PTPRQ: variants seen among roughly 807,000 people sequenced by gnomAD.
PTPRQ encodes the protein phosphatidylinositol phosphatase PTPRQ.
PTPRQ carries 199 observed loss-of-function variants against 246.0 expected under a neutral mutation model. The observed-to-expected ratio is 0.81, with a 90% confidence interval of 0.72 to 0.91. The LOEUF is 0.91. PTPRQ is among the 40% of genes least tolerant of loss of function. The probability of loss-of-function intolerance (pLI) is 0.00; values close to 1 mark genes in which losing one functional copy is unlikely to be tolerated. For synonymous variants in PTPRQ, 869 were observed against 853.2 expected (o/e 1.02, Z -0.32); for missense variants, 2,624 against 2,528.4 (o/e 1.04, Z -0.81).
rs150339828 is a variant in PTPRQ at position 80,545,451 on chromosome 12, G to C, written c.3874-1105G>C. ...GATCAACATGGTTTATATTTTGTCA[G>C]ATATAATGTAAGATTCCTACATTTA... On this transcript the variant is annotated intron_variant, in intron 23 of 44. Coordinates refer to ENST00000644991, the MANE Select transcript of PTPRQ (RefSeq NM_001145026.2). Among the ~76,000 whole-genome samples, 24 of 152,086 alleles carry C rather than the reference G, an allele frequency of 1.6e-4. No homozygotes were observed. In the East Asian group the frequency reaches 4.6e-3, roughly 29 times the overall value.
chr12:80,477,942 G>A (rs571841139), intron 8 of PTPRQ, among the ~76,000 whole-genome samples: 6 of 152,336 alleles, frequency 3.9e-5, no homozygotes, highest in South Asian at 2.1e-4. Context: ...AGGCGGCAGC[G>A]AAGCTGGGTG....
chr12:80,568,836 C>G (rs1359624302), intron 25 of PTPRQ, among the ~76,000 whole-genome samples: 1 of 152,182 alleles, frequency 6.6e-6, no homozygotes, highest in South Asian at 2.1e-4. Flanking sequence ...TAATGTGCAT[C>G]TGTTATTTAT....
intron 25 of PTPRQ, among the ~76,000 whole-genome samples, chr12:80,558,116 TTTC>T (rs146671791): frequency 0.098 from 8,233 of 83,748 alleles, 578 homozygotes; most frequent in African/African-American, 0.26. Context: ...CTTTCTTTTC[TTTC>T]TTTCTTTTCT....
intron 26 of PTPRQ, among the ~76,000 whole-genome samples, chr12:80,599,907 T>G (rs1320772101): frequency 6.6e-6 from 1 of 151,440 alleles, no homozygotes; most frequent in Non-Finnish European, 1.5e-5. Context: ...TTTTTCAGTT[T>G]GGATTTAGGA....
chr12:80,464,011 C>T (rs540941473), intron 6 of PTPRQ, among the ~76,000 whole-genome samples: 53 of 151,812 alleles, frequency 3.5e-4, no homozygotes, highest in Non-Finnish European at 7.2e-4. Context: ...CAAATTCACA[C>T]ATAACAATAT....
At chr12:80,533,968 T>C in intron 17 of PTPRQ, 47 bp from the exon 18 acceptor site, 1 of 1,360,432 alleles carries the variant, frequency 7.4e-7, no homozygotes. Context: ...AAAAGTATTG[T>C]TAACTTTTAA....
At position 80,542,767 on chromosome 12, in the gene PTPRQ, CT is replaced by C; in HGVS notation, c.3760del (p.Cys1254ValfsTer8). On this transcript the variant is annotated frameshift_variant, in exon 23 of 45. Transcript: ENST00000644991. LOFTEE classifies it high-confidence loss of function. ...CTCCACAAAATTTGACTTTAATCAA[CT>C]GTACTTCAGACTTTGTATGGCTGAA... Reference protein sequence around the residue: ...APPQNLTLINCTSDFVWLKWS... With the variant: ...APPQNLTLINXTSDFVWLKWS... 6.5e-7 allele frequency: 1 copy of C among 1,548,958 alleles called. No individual in the cohort carries two copies. Among genetic ancestry groups the C allele is most frequent in the Non-Finnish European group, 8.7e-7 (1 of 1,145,932 alleles).
chr12:80,568,065 G>T (rs1014720896), intron 25 of PTPRQ, among the ~76,000 whole-genome samples: 58 of 152,124 alleles, frequency 3.8e-4, no homozygotes, highest in African/African-American at 1.2e-3. Context: ...AGTAGTATAG[G>T]ACTAAAAAAT....
intron 41 of PTPRQ, 96 bp downstream of exon 41, chr12:80,669,560 G>T (rs1018826692): frequency 2.1e-6 from 3 of 1,432,558 alleles, no homozygotes; most frequent in Non-Finnish European, 2.7e-6. Flanking sequence ...TCCCTTTCAA[G>T]GATACCTGTA....
At chr12:80,550,065 C>T (rs534453501) in intron 25 of PTPRQ, among the ~76,000 whole-genome samples, 64 of 152,194 alleles carry the variant, frequency 4.2e-4, no homozygotes, top group African/African-American at 1.4e-3. Context: ...ATGTATATCT[C>T]TTTTTAGTCT....
intron 29 of PTPRQ, among the ~76,000 whole-genome samples, chr12:80,615,702 A>G (rs1250576336): frequency 6.6e-6 from 1 of 151,110 alleles, no homozygotes; most frequent in Non-Finnish European, 1.5e-5. Context: ...CTGAAGGAAT[A>G]GGATTTCATC....
intron 3 of PTPRQ, among the ~76,000 whole-genome samples, chr12:80,456,370 T>G (rs1344270953): frequency 6.6e-6 from 1 of 152,214 alleles, no homozygotes; most frequent in Admixed American, 6.5e-5. Context: ...TTGTGATGAC[T>G]ATTTCATGAA....
rs1181622390 is a variant in PTPRQ, at chr12:80,468,827, A to G, written c.1028A>G (p.Tyr343Cys). The G allele has an allele frequency of 3.9e-6, 6 of 1,548,482 alleles. No individual in the cohort carries two copies. In the South Asian group the frequency reaches 6.0e-5, roughly 16 times the overall value. ...AAATTTAGTTATAGAGTTGAATTAT[A>G]TGGACCATCAGGTAAGCCTTAATTG... Reference protein sequence around the residue: ...TGKFSYRVELYGPSGRILDNS... With the variant: ...TGKFSYRVELCGPSGRILDNS... Residue 343 changes from tyrosine (Y) to cysteine (C), a missense_variant, in exon 7 of 45, where the codon TAT (tyrosine) becomes TGT (cysteine). Coordinates refer to ENST00000644991, the MANE Select transcript of PTPRQ (RefSeq NM_001145026.2).
rs796120734 is a variant in PTPRQ, at chr12:80,673,487, A to T, written c.6738+183A>T. ...AGAGATTATAGGAGAACTAATGCCC[A>T]CATGCCATAGTCACCCTGCAGCATT... On this transcript the variant is annotated intron_variant, in intron 43 of 44. Coordinates refer to ENST00000644991, the MANE Select transcript of PTPRQ (RefSeq NM_001145026.2). 4.0e-4 allele frequency among the ~76,000 whole-genome samples: 61 copies of T among 152,186 alleles called. 1 individual carries two copies. The highest frequency in any genetic ancestry group is 1.4e-3 in the African/African-American group (59 of 41,534).
At position 80,542,372 on chromosome 12, in the gene PTPRQ, A is replaced by G. The variant is rs1592634252; in HGVS notation, c.3721+8A>G. On this transcript the variant is annotated splice_region_variant and intron_variant, in intron 22 of 44. Transcript: ENST00000644991. ...TTTACACAGATGAGTCAGGTAAGCC[A>G]GAATCCACATTTCTTCAAACAATTT... is the stretch of plus-strand genomic sequence containing the variant. 3 of 1,522,456 alleles carry G rather than the reference A, an allele frequency of 2.0e-6. No homozygotes were observed. The highest frequency in any genetic ancestry group is 1.4e-5 in the African/African-American group (1 of 70,902). 94.3% of individuals were successfully genotyped at this position (1,522,456 alleles called of 1,614,324 possible).
chr12:80,477,423 TATTA>T (rs961225063), intron 8 of PTPRQ, among the ~76,000 whole-genome samples: 13 of 152,326 alleles, frequency 8.5e-5, no homozygotes, highest in Admixed American at 3.3e-4. Flanking sequence ...AAATTATTTT[TATTA>T]ATTAATTTGT....
intron 25 of PTPRQ, chr12:80,584,064 C>G (rs1329800975): frequency 1.3e-5 from 2 of 152,174 alleles, no homozygotes; most frequent in African/African-American, 4.8e-5. Context: ...TACTATCCTC[C>G]TTTTAGAGGG....
At chr12:80,661,640 G>A (rs1366197676) in intron 39 of PTPRQ, among the ~76,000 whole-genome samples, 1 of 151,648 alleles carries the variant, frequency 6.6e-6, no homozygotes, top group East Asian at 1.9e-4. Context: ...GAGGGTGTTT[G>A]CAGGAGTAAA....
intron 17 of PTPRQ, among the ~76,000 whole-genome samples, chr12:80,531,031 T>C (rs1895828899): frequency 6.6e-6 from 1 of 151,750 alleles, no homozygotes; most frequent in Non-Finnish European, 1.5e-5. Flanking sequence ...CGCTAAAAAA[T>C]ATATATATTT....
Sources: allele counts gnomAD v4.1 joint callset (sites outside exome capture counted in the v4.1 genomes callset), GRCh38; gene constraint gnomAD v4.1.1; transcripts MANE v1.5; gene names NCBI Gene and HGNC (gene_info 2026-07-23, HGNC 2026-07-21).